The following MYO16 variants were observed in gnomAD, a reference collection of about 807,000 sequenced individuals.
MYO16 encodes the protein myosin XVI.
Under a neutral mutation model 205.3 loss-of-function variants are expected in MYO16, and 94 were observed. That is an observed-to-expected ratio of 0.46 (90% CI 0.39 to 0.54). The LOEUF is 0.54. Among genes scored for constraint, MYO16 ranks in the 20% least tolerant of loss-of-function variants. The pLI, the probability that MYO16 is intolerant of heterozygous loss-of-function variation, is 0.00. For missense variants in MYO16, 2,315 were observed against 2,387.5 expected, an observed-to-expected ratio of 0.97 and a Z score of 0.63; for synonymous variants, 988 against 954.0, an observed-to-expected ratio of 1.04 and a Z score of -0.66.
intron 2 of MYO16, among the ~76,000 whole-genome samples, chr13:108,703,656 A>T (rs1346676660): frequency 6.6e-6 from 1 of 152,198 alleles, no homozygotes; most frequent in African/African-American, 2.4e-5. Flanking sequence ...GCAAAGCCAT[A>T]AAACAAGTGC....
intron 16 of MYO16, among the ~76,000 whole-genome samples, chr13:108,924,864 G>A (rs1051362141): frequency 3.3e-5 from 5 of 152,100 alleles, no homozygotes; most frequent in South Asian, 2.1e-4. Flanking sequence ...ACCTTTTCAC[G>A]TTAATTCATA....
intron 33 of MYO16, among the ~76,000 whole-genome samples, chr13:109,170,117 C>A (rs1878864601): frequency 1.4e-5 from 1 of 74,038 alleles, no homozygotes; most frequent in Non-Finnish European, 2.5e-5. Context: ...AAAGTTTTAA[C>A]CATAAAGAAA....
the MYO16 span, among the ~76,000 whole-genome samples, chr13:108,540,961 G>A: frequency 1.3e-5 from 2 of 152,118 alleles, no homozygotes; most frequent in African/African-American, 4.8e-5. Context: ...TGATCAGAAT[G>A]CACATGCGAA....
intron 9 of MYO16, among the ~76,000 whole-genome samples, chr13:108,841,658 G>A (rs433729): frequency 0.59 from 89,399 of 151,794 alleles, 27,688 homozygotes; most frequent in Middle Eastern, 0.72. Flanking sequence ...AATATATAAA[G>A]TCAATAATCT....
intron 12 of MYO16, among the ~76,000 whole-genome samples, chr13:108,881,797 G>C (rs886654060): frequency 1.3e-5 from 2 of 152,178 alleles, no homozygotes; most frequent in Non-Finnish European, 2.9e-5. Context: ...GGGACTATGT[G>C]AAAAGACCAA....
chr13:108,667,219 C>G (rs1881772621), intron 2 of MYO16, among the ~76,000 whole-genome samples: 1 of 151,316 alleles, frequency 6.6e-6, no homozygotes, highest in African/African-American at 2.4e-5. Flanking sequence ...ACATTATATA[C>G]AATAATAGTT....
intron 21 of MYO16, among the ~76,000 whole-genome samples, chr13:109,007,459 C>T (rs959177245): frequency 6.0e-5 from 9 of 151,072 alleles, no homozygotes; most frequent in African/African-American, 2.0e-4. Flanking sequence ...TTGATGGCGC[C>T]ATGGTGTCAA....
intron 29 of MYO16, among the ~76,000 whole-genome samples, chr13:109,121,870 T>G (rs1876008014): frequency 6.6e-6 from 1 of 152,210 alleles, no homozygotes. Context: ...CTTTCTAGTG[T>G]GTGATGACCT....
At chr13:108,678,095 A>C (rs1052421583) in intron 2 of MYO16, among the ~76,000 whole-genome samples, 5 of 152,254 alleles carry the variant, frequency 3.3e-5, no homozygotes, top group African/African-American at 1.2e-4. Context: ...AATGTTCTAC[A>C]GGGAAGATGT....
chr13:109,117,327 T>C (rs1421403105), intron 28 of MYO16, among the ~76,000 whole-genome samples: 1 of 151,340 alleles, frequency 6.6e-6, no homozygotes, highest in Non-Finnish European at 1.5e-5. Context: ...CAAGAATATA[T>C]GTCCATATTC....
intron 4 of MYO16, among the ~76,000 whole-genome samples, chr13:108,755,231 A>C (rs1474702254): frequency 6.6e-6 from 1 of 150,564 alleles, no homozygotes; most frequent in Non-Finnish European, 1.5e-5. Flanking sequence ...CAAGCAGAGA[A>C]TATGTGAGAG....
intron 7 of MYO16, among the ~76,000 whole-genome samples, 196 bp downstream of exon 7, chr13:108,807,000 C>G (rs1243656227): frequency 2.6e-5 from 4 of 152,094 alleles, no homozygotes. Flanking sequence ...CCTTATGTAT[C>G]TGAATATTGT....
At chr13:108,852,220 C>T (rs1877912205) in intron 10 of MYO16, among the ~76,000 whole-genome samples, 1 of 152,236 alleles carries the variant, frequency 6.6e-6, no homozygotes, top group African/African-American at 2.4e-5. Context: ...GTCCTAACTT[C>T]TCCCCCCAGC....
chr13:108,502,219 C>CA, the MYO16 span, among the ~76,000 whole-genome samples: 2 of 151,166 alleles, frequency 1.3e-5, no homozygotes, highest in African/African-American at 2.4e-5. Context: ...TCTCAAAAAA[C>CA]AAAAAGCAAT....
intron 32 of MYO16, among the ~76,000 whole-genome samples, chr13:109,158,851 A>G (rs1309564927): frequency 2.0e-5 from 3 of 152,346 alleles, no homozygotes; most frequent in East Asian, 1.9e-4. Flanking sequence ...CTGTTTGTAC[A>G]TTGCTTGAGT....
intron 16 of MYO16, among the ~76,000 whole-genome samples, chr13:108,932,635 A>G (rs999577861): frequency 6.6e-6 from 1 of 152,156 alleles, no homozygotes; most frequent in Non-Finnish European, 1.5e-5. Context: ...AGGGATAGAC[A>G]TTTATTTTCC....
intron 4 of MYO16, among the ~76,000 whole-genome samples, chr13:108,744,999 G>T (rs1463330045): frequency 6.6e-6 from 1 of 152,096 alleles, no homozygotes; most frequent in Non-Finnish European, 1.5e-5. Context: ...TAGAAGACAA[G>T]CAATAAAGTG....
chr13:109,194,526 T>C (rs575610481), intron 34 of MYO16, among the ~76,000 whole-genome samples: 3 of 152,292 alleles, frequency 2.0e-5, no homozygotes, highest in African/African-American at 7.2e-5. Flanking sequence ...AAGATGATAC[T>C]AGAAATGGGC....
At chr13:109,199,516 C>T (rs114728397) in intron 34 of MYO16, among the ~76,000 whole-genome samples, 1,958 of 152,066 alleles carry the variant, frequency 0.013, 43 homozygotes, top group African/African-American at 0.045. Flanking sequence ...AAATAAGTGA[C>T]TCATTATCTG....
Sources: allele counts gnomAD v4.1 joint callset (sites outside exome capture counted in the v4.1 genomes callset), GRCh38; gene constraint gnomAD v4.1.1; transcripts MANE v1.5; gene names NCBI Gene and HGNC (gene_info 2026-07-23, HGNC 2026-07-21).